EFCAB13: variants seen among roughly 807,000 people sequenced by gnomAD.
The protein encoded by EFCAB13 is EF-hand calcium binding domain 13, also known as EF-hand calcium-binding domain-containing protein 13.
A neutral mutation model predicts 110.2 loss-of-function variants in EFCAB13; 91 were observed. The ratio of observed to expected loss-of-function variants is 0.83; its 90% CI spans 0.70 to 0.98. EFCAB13 has a LOEUF of 0.98. EFCAB13 is among the 50% of genes least tolerant of loss of function. The pLI is 0.00. For missense variants in EFCAB13, 968 were observed against 1,119.4 expected (o/e 0.86, Z 1.93); for synonymous variants, 323 against 369.9 (o/e 0.87, Z 1.45).
rs574187732 is a variant in EFCAB13 at position 47,349,949 on chromosome 17, T to C, written c.661+1998T>C. Among the ~76,000 whole-genome samples the C allele has an allele frequency of 1.8e-3, 278 of 151,736 alleles. 4 individuals are homozygous for C. Among genetic ancestry groups the C allele is most frequent in the African/African-American group, 6.3e-3 (259 of 41,388 alleles). ...GCCACCGCGCCTGGCTAATTTTTTG[T>C]ATTTTTAGTAGAGACGGGGTTTCAC... On this transcript the variant is annotated intron_variant, in intron 9 of 24. Coordinates refer to ENST00000331493, the MANE Select transcript of EFCAB13 (RefSeq NM_152347.5).
intron 11 of EFCAB13, among the ~76,000 whole-genome samples, chr17:47,372,766 T>C (rs1203584425): frequency 6.6e-6 from 1 of 152,204 alleles, no homozygotes; most frequent in Non-Finnish European, 1.5e-5. Context: ...CCATTCTCTA[T>C]GGACCCATAA....
At position 47,397,169 on chromosome 17, in the gene EFCAB13, G is replaced by A. The variant is rs956904466; in HGVS notation, c.1945+1192G>A. Reference sequence around the variant, plus strand: ...TGCAATTGCAGGCGCGCGCCGCCACGCCTGACTGGTTTTCGTATTTTTTTG... The same window carrying A: ...TGCAATTGCAGGCGCGCGCCGCCACACCTGACTGGTTTTCGTATTTTTTTG... On this transcript the variant is annotated intron_variant, in intron 17 of 24. Transcript: ENST00000331493. Among the ~76,000 whole-genome samples the A allele has an allele frequency of 1.4e-3, 210 of 152,008 alleles. 1 individual carries two copies. The highest frequency in any genetic ancestry group is 4.4e-3 in the African/African-American group (181 of 41,496).
intron 5 of EFCAB13, among the ~76,000 whole-genome samples, chr17:47,335,659 GC>G (rs1442682662): frequency 6.6e-6 from 1 of 152,120 alleles, no homozygotes; most frequent in East Asian, 1.9e-4. Flanking sequence ...TCATGGTTCT[GC>G]AGACTTTACA....
At chr17:47,438,478 T>A (rs1905251931) in intron 24 of EFCAB13, among the ~76,000 whole-genome samples, 1 of 150,696 alleles carries the variant, frequency 6.6e-6, no homozygotes, top group Non-Finnish European at 1.5e-5. Context: ...TCTTGGAGGC[T>A]TTCTTCATAT....
chr17:47,420,705 G>T (rs1239496764), intron 23 of EFCAB13, among the ~76,000 whole-genome samples: 1 of 150,688 alleles, frequency 6.6e-6, no homozygotes, highest in Non-Finnish European at 1.5e-5. Context: ...GAGACCCTCC[G>T]CCCGGCAGCC....
intron 20 of EFCAB13, chr17:47,409,352 G>T: frequency 3.4e-6 from 1 of 298,400 alleles, no homozygotes; most frequent in Non-Finnish European, 6.3e-6. Flanking sequence ...GAATAGACCG[G>T]CTGGGGATTA....
Position 47,441,134 on chromosome 17 carries a change from T to C in EFCAB13, c.*420T>C, listed in dbSNP as rs936181818. The C allele has an allele frequency of 1.3e-5, 2 of 153,508 alleles. No individual in the cohort carries two copies. The highest frequency in any genetic ancestry group is 4.8e-5 in the African/African-American group (2 of 41,486). 9.5% of individuals were successfully genotyped at this position (153,508 alleles called of 1,614,324 possible). On this transcript the variant is annotated 3_prime_UTR_variant, in exon 25 of 25. Coordinates refer to ENST00000331493, the MANE Select transcript of EFCAB13 (RefSeq NM_152347.5). ...TAGTTTTGCCTTTTGTGGAATATCA[T>C]GTAAATGATTAAATATGAAGTGGTT...
intron 14 of EFCAB13, 92 bp downstream of exon 14, chr17:47,379,345 G>A (rs1361873244): frequency 3.1e-6 from 3 of 979,834 alleles, no homozygotes; most frequent in Non-Finnish European, 4.8e-6. Flanking sequence ...GCTTTTGGAT[G>A]GATACTTAAT....
chr17:47,367,403 G>A (rs1042159956), intron 10 of EFCAB13, among the ~76,000 whole-genome samples: 1 of 152,190 alleles, frequency 6.6e-6, no homozygotes, highest in African/African-American at 2.4e-5. Flanking sequence ...GGGCAGGATG[G>A]CTGGGCCACT....
At chr17:47,348,410 C>G (rs1567783852) in intron 9 of EFCAB13, among the ~76,000 whole-genome samples, 1 of 151,966 alleles carries the variant, frequency 6.6e-6, no homozygotes, top group Non-Finnish European at 1.5e-5. Flanking sequence ...TCTTATTTTT[C>G]TGTTTAAATA....
intron 21 of EFCAB13, 26 bp downstream of exon 21, chr17:47,409,717 A>T: frequency 6.5e-7 from 1 of 1,538,032 alleles, no homozygotes; most frequent in Non-Finnish European, 9.0e-7. Context: ...GTATATGAGA[A>T]AATTTTCAAT....
chr17:47,397,844 C>G (rs1010818713), intron 17 of EFCAB13, among the ~76,000 whole-genome samples: 27 of 151,664 alleles, frequency 1.8e-4, no homozygotes, highest in Admixed American at 1.8e-3. Flanking sequence ...GTGAAGAGCC[C>G]CTCCACCCGG....
At chr17:47,380,422 A>G (rs1228736573) in intron 14 of EFCAB13, among the ~76,000 whole-genome samples, 2 of 152,148 alleles carry the variant, frequency 1.3e-5, no homozygotes, top group African/African-American at 2.4e-5. Flanking sequence ...ATTCTTTGTT[A>G]TGGCTGCATA....
chr17:47,438,361 T>C (rs748912078), intron 24 of EFCAB13, among the ~76,000 whole-genome samples: 68 of 152,184 alleles, frequency 4.5e-4, no homozygotes, highest in Non-Finnish European at 7.6e-4. Flanking sequence ...CCAGGGAAGT[T>C]TTCCTCGATT....
chr17:47,434,329 T>C (rs1416408150), intron 24 of EFCAB13, among the ~76,000 whole-genome samples: 8 of 150,260 alleles, frequency 5.3e-5, no homozygotes, highest in Non-Finnish European at 1.2e-4. Flanking sequence ...AAAAAATAAA[T>C]AAATACTTAG....
chr17:47,374,805 A>T lies in EFCAB13; in HGVS notation c.1211A>T (p.Lys404Met), dbSNP rs2065605065. 6.2e-7 allele frequency: 1 copy of T among 1,613,984 alleles called. No individual in the cohort carries two copies. The highest frequency in any genetic ancestry group is 8.5e-7 in the Non-Finnish European group (1 of 1,180,002). ...HSEKGEIHDS[K>M]SKPQSLKSST... is the part of the protein sequence containing the mutation. ...GAGAAGGGTGAAATTCATGACTCAA[A>T]GTCTAAACCACAAAGCTTGAAGAGT... The change falls in exon 12 of 25, where the codon AAG (lysine) becomes ATG (methionine). Residue 404 changes from lysine (K) to methionine (M), a missense_variant. Transcript: ENST00000331493.
intron 22 of EFCAB13, among the ~76,000 whole-genome samples, chr17:47,413,476 T>C (rs1446573917): frequency 6.6e-6 from 1 of 152,184 alleles, no homozygotes; most frequent in Admixed American, 6.5e-5. Context: ...AGCTGCTGAG[T>C]TCTGTTGGTT....
intron 9 of EFCAB13, among the ~76,000 whole-genome samples, chr17:47,351,448 C>A (rs1238791696): frequency 6.6e-6 from 1 of 152,082 alleles, no homozygotes; most frequent in Non-Finnish European, 1.5e-5. Context: ...ATAATGGTTT[C>A]TTTTCCTTTG....
intron 17 of EFCAB13, among the ~76,000 whole-genome samples, chr17:47,398,398 T>TGGCGGTTTTGTGGAATAGAAAG (rs2065759599): frequency 6.6e-6 from 1 of 150,904 alleles, no homozygotes; most frequent in Non-Finnish European, 1.5e-5. Flanking sequence ...ATGATGACAA[T>TGGCGGTTTTGTGGAATAGAAAG]GGCGGTTTTG....
Sources: allele counts gnomAD v4.1 joint callset (sites outside exome capture counted in the v4.1 genomes callset), GRCh38; gene constraint gnomAD v4.1.1; transcripts MANE v1.5; gene names NCBI Gene and HGNC (gene_info 2026-07-23, HGNC 2026-07-21).